Variants in VPS13B observed in about 807,000 individuals in gnomAD.
VPS13B encodes vacuolar protein sorting 13 homolog B.
A neutral mutation model predicts 426.4 loss-of-function variants in VPS13B; 285 were observed. The observed-to-expected ratio is 0.67, with a 90% CI of 0.61 to 0.74. VPS13B has a LOEUF of 0.74. VPS13B is among the 30% of genes least tolerant of loss of function. VPS13B has a pLI of 0.00. For synonymous variants in VPS13B, 1,676 were observed against 1,676.4 expected (o/e 1.00, Z 0.01); for missense variants, 4,537 against 4,782.6 (o/e 0.95, Z 1.51).
intron 17 of VPS13B, chr8:99,233,935 A>C: frequency 1.3e-6 from 1 of 792,226 alleles, no homozygotes; most frequent in Non-Finnish European, 2.3e-6. Flanking sequence ...GCTTCTCTGC[A>C]GCTCCAGAGT....
intron 17 of VPS13B, among the ~76,000 whole-genome samples, chr8:99,236,439 A>C (rs1816656941): frequency 6.6e-6 from 1 of 152,040 alleles, no homozygotes; most frequent in African/African-American, 2.4e-5. Context: ...TAGTAGAGAC[A>C]GGGTTTGGCC....
At chr8:99,400,524 A>G (rs1464613544) in intron 21 of VPS13B, among the ~76,000 whole-genome samples, 2 of 152,222 alleles carry the variant, frequency 1.3e-5, no homozygotes, top group Non-Finnish European at 2.9e-5. Context: ...ATTGATTTAT[A>G]CATTAACTAT....
At chr8:99,648,666 T>G (rs78537102) in intron 34 of VPS13B, among the ~76,000 whole-genome samples, 3,463 of 152,290 alleles carry the variant, frequency 0.023, 142 homozygotes, top group African/African-American at 0.079. Context: ...TCCTTTACTG[T>G]CTTCCATTTA....
intron 2 of VPS13B, among the ~76,000 whole-genome samples, chr8:99,015,893 ACTCCAT>A (rs1274454657): frequency 6.6e-6 from 1 of 151,894 alleles, no homozygotes; most frequent in Non-Finnish European, 1.5e-5. Context: ...ACAGAGTGAG[ACTCCAT>A]CTGGGGCAGG....
rs758266135 is a variant in VPS13B, at chr8:99,871,417, C to T, written c.11496-31C>T. ...TAAGTGACCATCTTTTCACAGCTGG[C>T]CCCTGGCCTCACTTTTCTCCTTTTA... is the stretch of plus-strand genomic sequence containing the variant. On this transcript the variant is annotated intron_variant, in intron 60 of 61. Coordinates refer to ENST00000357162, the MANE Select transcript of VPS13B (RefSeq NM_152564.5). 11 of 1,613,908 alleles carry T rather than the reference C, an allele frequency of 6.8e-6. No homozygotes were observed. In the East Asian group the frequency reaches 1.1e-4, roughly 16 times the overall value.
chr8:99,820,889 T>C (rs1814319674), intron 49 of VPS13B, among the ~76,000 whole-genome samples: 1 of 152,052 alleles, frequency 6.6e-6, no homozygotes. Flanking sequence ...TGTTACCTTA[T>C]GGAATTGGAA....
At chr8:99,149,983 G>A (rs564402100) in intron 14 of VPS13B, among the ~76,000 whole-genome samples, 9 of 152,134 alleles carry the variant, frequency 5.9e-5, no homozygotes, top group Non-Finnish European at 1.3e-4. Context: ...AATCTCCGAT[G>A]CCAGAAAGGT....
At chr8:99,813,561 G>A (rs545313069) in intron 44 of VPS13B, among the ~76,000 whole-genome samples, 1 of 152,312 alleles carries the variant, frequency 6.6e-6, no homozygotes, top group Non-Finnish European at 1.5e-5. Context: ...CTAAAGAAAA[G>A]TTTGCTTCCT....
chr8:99,498,897 A>G (rs1821078881), intron 25 of VPS13B, among the ~76,000 whole-genome samples: 1 of 152,132 alleles, frequency 6.6e-6, no homozygotes, highest in African/African-American at 2.4e-5. Flanking sequence ...AAGTACAAAC[A>G]GTGGTCGAAG....
chr8:99,294,457 G>A (rs1251188470), intron 19 of VPS13B, among the ~76,000 whole-genome samples: 1 of 147,044 alleles, frequency 6.8e-6, no homozygotes. Flanking sequence ...GAGTTAGTGG[G>A]TGCAGCGCAC....
Position 99,115,760 on chromosome 8 carries a change from A to G in VPS13B, c.823A>G (p.Ile275Val), listed in dbSNP as rs761214848. Residue 275 changes from isoleucine (I) to valine (V), a missense_variant, in exon 7 of 62, where the codon ATT becomes GTT. Around this residue, in one of 2 missense-constraint regions of VPS13B, gnomAD observed 4,311 missense variants for 4,474.3 expected, o/e 0.96. Coordinates refer to ENST00000357162, the MANE Select transcript of VPS13B (RefSeq NM_152564.5). ...CACAGATCAACAACTGCCTATGTTT[A>G]TTCGTATAATGCAACTTGGAATTGC... ...SITDQQLPMF[I>V]RIMQLGIALY... 4 of 1,613,592 alleles carry G rather than the reference A, an allele frequency of 2.5e-6. No individual in the cohort carries two copies. The highest frequency in any genetic ancestry group is 1.1e-5 in the South Asian group (1 of 90,950).
At chr8:99,508,122 C>G (rs981222568) in intron 28 of VPS13B, among the ~76,000 whole-genome samples, 2 of 152,080 alleles carry the variant, frequency 1.3e-5, no homozygotes, top group African/African-American at 4.8e-5. Context: ...CTAATTTTAC[C>G]TCAATATAAG....
intron 61 of VPS13B, chr8:99,874,853 T>C (rs1439390390): frequency 6.5e-6 from 1 of 154,346 alleles, no homozygotes; most frequent in East Asian, 1.9e-4. Flanking sequence ...GCCCAGCTTC[T>C]CTATTTTCTC....
At chr8:99,793,178 TG>T (rs1443691001) in intron 43 of VPS13B, among the ~76,000 whole-genome samples, 3 of 148,618 alleles carry the variant, frequency 2.0e-5, no homozygotes, top group Non-Finnish European at 4.4e-5. Context: ...CACTCCAGCC[TG>T]GGCAACAGAG....
At chr8:99,842,854 T>C (rs1331335234) in intron 54 of VPS13B, among the ~76,000 whole-genome samples, 3 of 152,168 alleles carry the variant, frequency 2.0e-5, no homozygotes, top group Non-Finnish European at 4.4e-5. Context: ...TTCTTAGACC[T>C]AACATATGTA....
At chr8:99,292,516 C>T (rs369886594) in intron 19 of VPS13B, among the ~76,000 whole-genome samples, 6 of 152,078 alleles carry the variant, frequency 3.9e-5, no homozygotes, top group Admixed American at 2.0e-4. Context: ...CCAGCTTTAT[C>T]TATTACTTTT....
chr8:99,853,729 A>G lies in VPS13B; in HGVS notation c.10340A>G (p.Gln3447Arg). The change falls in exon 56 of 62, where the codon CAG becomes CGG. Residue 3447 changes from glutamine to arginine, a missense_variant. Physicochemically the swap from Gln to Arg is conservative, Grantham distance 43 (BLOSUM62 1). Around this residue, in one of 2 missense-constraint regions of VPS13B, gnomAD observed 4,311 missense variants for 4,474.3 expected, o/e 0.96. Transcript: ENST00000357162. ...SNFHFAVLVC[Q>R]GEKAEPIQCS... is the part of the protein sequence containing the mutation. ...TTCCACTTTGCTGTCTTAGTCTGCC[A>G]GGGAGAAAAAGCAGAACCCATTCAG... is the stretch of plus-strand genomic sequence containing the variant. 1 of 1,614,242 alleles carries G rather than the reference A, an allele frequency of 6.2e-7. No homozygotes were observed. The highest frequency in any genetic ancestry group is 8.5e-7 in the Non-Finnish European group (1 of 1,180,036).
intron 19 of VPS13B, among the ~76,000 whole-genome samples, chr8:99,353,424 A>G (rs1812006835): frequency 6.6e-6 from 1 of 152,228 alleles, no homozygotes; most frequent in Admixed American, 6.5e-5. Flanking sequence ...TAGAGTTAGA[A>G]GAAACCTCAG....
At chr8:99,333,254 G>C (rs910393716) in intron 19 of VPS13B, among the ~76,000 whole-genome samples, 1 of 151,716 alleles carries the variant, frequency 6.6e-6, no homozygotes, top group African/African-American at 2.4e-5. Flanking sequence ...TGTTTTTGGA[G>C]AAAGATGTGC....
Sources: gnomAD v4.1 joint callset for allele counts (sites outside exome capture counted in the v4.1 genomes callset) on GRCh38, gnomAD v4.1.1 for gene constraint, gnomAD v4.1.1 regional missense constraint, MANE v1.5 for transcripts, NCBI Gene and HGNC (gene_info 2026-07-23, HGNC 2026-07-21) for gene names.